TBL3: variants seen among roughly 807,000 people sequenced by gnomAD.
The protein encoded by TBL3 is transducin beta-like protein 3.
A neutral mutation model predicts 102.7 loss-of-function variants in TBL3; 71 were observed. The observed-to-expected ratio is 0.69, with a 90% CI of 0.57 to 0.84. The LOEUF is 0.84. Among genes scored for constraint, TBL3 ranks in the 40% least tolerant of loss-of-function variants. The pLI is 0.00. For synonymous variants in TBL3, 578 were observed against 477.7 expected (o/e 1.21, Z -2.74); for missense variants, 1,188 against 1,098.5 (o/e 1.08, Z -1.15).
At position 1,974,056 on chromosome 16, in the gene TBL3, C is replaced by T. The variant is rs1263300107; in HGVS notation, c.42C>T (p.Asn14=). Residue 14 remains asparagine, a splice_region_variant and synonymous_variant, in exon 2 of 22, where the codon AAC becomes AAT. Transcript: ENST00000568546. The stretch of plus-strand genomic sequence containing the variant: ...CATTCGCCTCCCGCTCTCCTTCCAG[C>T]TATGCTGTGGAGCGCAAAATTGAGC... ...TAAGVGRFKT[N]YAVERKIEPF... is the part of the protein sequence containing the mutation. The T allele has an allele frequency of 6.4e-7, 1 of 1,565,310 alleles. No homozygotes were observed. The highest frequency in any genetic ancestry group is 8.7e-7 in the Non-Finnish European group (1 of 1,149,012).
Position 1,975,103 on chromosome 16 carries a change from G to A in TBL3, c.635+5G>A. On this transcript the variant is annotated splice_donor_5th_base_variant and intron_variant, in intron 7 of 21. Coordinates refer to ENST00000568546, the MANE Select transcript of TBL3 (RefSeq NM_006453.3). ...CGACGGCCACACCATGCTCAGGTCA[G>A]CAGTGGGCCCTGGTAGGAGGGGGAG... The A allele has an allele frequency of 6.2e-7, 1 of 1,612,076 alleles. No individual in the cohort carries two copies. The highest frequency in any genetic ancestry group is 8.5e-7 in the Non-Finnish European group (1 of 1,179,982).
chr16:1,976,981 G>A lies in TBL3; in HGVS notation c.1440+20G>A. 6.2e-7 allele frequency: 1 copy of A among 1,613,614 alleles called. No homozygotes were observed. The highest frequency in any genetic ancestry group is 8.5e-7 in the Non-Finnish European group (1 of 1,179,862). On this transcript the variant is annotated intron_variant, in intron 14 of 21. Coordinates refer to ENST00000568546, the MANE Select transcript of TBL3 (RefSeq NM_006453.3). ...GATAAGGTGACTCCATAGCCACTGG[G>A]GTGGGGGTGTGGCCAAGCCCTTGCT... is the stretch of plus-strand genomic sequence containing the variant.
chr16:1,979,712 G>A lies in TBL3; in HGVS notation c.*1027G>A, dbSNP rs1173586046. The A allele has an allele frequency of 3.1e-6, 4 of 1,286,488 alleles. No homozygotes were observed. The highest frequency in any genetic ancestry group is 3.2e-6 in the Non-Finnish European group (3 of 946,182). 79.7% of individuals were successfully genotyped at this position (1,286,488 alleles called of 1,614,324 possible). On this transcript the variant is annotated 3_prime_UTR_variant, in exon 22 of 22. Transcript: ENST00000568546. ...CAAGCACGGGCTCCTGGCCCGCCCT[G>A]CCCGCGGTGCTTCTGGCCCAGTCTT...
chr16:1,972,104 T>G lies in TBL3; in HGVS notation c.-61T>G, dbSNP rs2083365200. On this transcript the variant is annotated 5_prime_UTR_variant, in exon 1 of 22. Coordinates refer to ENST00000568546, the MANE Select transcript of TBL3 (RefSeq NM_006453.3). ...GTGAAGAGTTCGGTGCTAACCTCCC[T>G]CACGCGGCGGTGGCTGCCGGGACCC... 1.4e-6 allele frequency: 2 copies of G among 1,462,368 alleles called. No individual in the cohort carries two copies. Among genetic ancestry groups the G allele is most frequent in the Non-Finnish European group, 1.8e-6 (2 of 1,104,916 alleles). The allele number at this position is 1,462,368 out of a possible 1,614,324, so 90.6% of individuals were successfully genotyped here.
intron 1 of TBL3, among the ~76,000 whole-genome samples, chr16:1,972,864 C>T (rs1042515330): frequency 1.3e-5 from 2 of 152,148 alleles, no homozygotes; most frequent in Non-Finnish European, 2.9e-5. Flanking sequence ...TTCGTTTTGG[C>T]AGTCAGGCTT....
chr16:1,975,113 C>G lies in TBL3; in HGVS notation c.635+15C>G. ...ACCATGCTCAGGTCAGCAGTGGGCC[C>G]TGGTAGGAGGGGGAGGCTTGGAAAG... On this transcript the variant is annotated intron_variant, in intron 7 of 21. Transcript: ENST00000568546. 1 of 1,612,452 alleles carries G rather than the reference C, an allele frequency of 6.2e-7. No individual in the cohort carries two copies. Among genetic ancestry groups the G allele is most frequent in the East Asian group, 2.2e-5 (1 of 44,882 alleles).
In TBL3 at chr16:1,979,246, C is replaced by T. The variant is rs747698306; in HGVS notation, c.*561C>T. 2.6e-6 allele frequency: 4 copies of T among 1,515,424 alleles called. No individual in the cohort carries two copies. The highest frequency in any genetic ancestry group is 1.2e-5 in the South Asian group (1 of 81,644). 93.9% of individuals were successfully genotyped at this position (1,515,424 alleles called of 1,614,324 possible). On this transcript the variant is annotated 3_prime_UTR_variant, in exon 22 of 22. Transcript: ENST00000568546. ...GGTTCAGGGAAGCCCCGGGCCTCACCCGCCGGGTCGTCTCCTCCACGGAAC... is the reference window on the plus strand; with the variant it reads ...GGTTCAGGGAAGCCCCGGGCCTCACTCGCCGGGTCGTCTCCTCCACGGAAC...
rs189182280 is a variant in TBL3, at chr16:1,975,451, G to A, written c.805+13G>A. 1.2e-4 allele frequency: 193 copies of A among 1,612,660 alleles called. No homozygotes were observed. Among genetic ancestry groups the A allele is most frequent in the Non-Finnish European group, 1.3e-4 (156 of 1,179,516 alleles). ...GCTGGCGACCAAGGTGTGTTGGGCC[G>A]GGACATGGGCAGGCGGTAGGGGCTG... On this transcript the variant is annotated intron_variant, in intron 9 of 21. Transcript: ENST00000568546.
chr16:1,982,571 C>G lies in TBL3; in HGVS notation c.*3886C>G, dbSNP rs1414660684. ...ACTTTTTCCTCCCCTACCCTCTTTT[C>G]TTGCCTGAATAGTACACCCCACCCT... is the stretch of plus-strand genomic sequence containing the variant. On this transcript the variant is annotated 3_prime_UTR_variant, in exon 22 of 22. Coordinates refer to ENST00000568546, the MANE Select transcript of TBL3 (RefSeq NM_006453.3). The G allele has an allele frequency of 1.3e-5, 2 of 152,310 alleles. No individual in the cohort carries two copies. The highest frequency in any genetic ancestry group is 2.9e-5 in the Non-Finnish European group (2 of 68,108). 9.4% of individuals were successfully genotyped at this position (152,310 alleles called of 1,614,324 possible). A position where few individuals can be genotyped will look rare whatever the true frequency, so the allele number is the denominator to read the frequency against.
chr16:1,980,232 A>G lies in TBL3; in HGVS notation c.*1547A>G, dbSNP rs1428358934. The G allele has an allele frequency of 1.3e-6, 2 of 1,543,606 alleles. No individual in the cohort carries two copies. The highest frequency in any genetic ancestry group is 2.7e-5 in the African/African-American group (2 of 73,814). On this transcript the variant is annotated 3_prime_UTR_variant, in exon 22 of 22. Coordinates refer to ENST00000568546, the MANE Select transcript of TBL3 (RefSeq NM_006453.3). ...AGAGGTAGGCGGATGGGGAGGGTGA[A>G]ACTGGGGGCGCCACCCCGGCAAGAC...
rs765040534 is a variant in TBL3 at position 1,980,329 on chromosome 16, C to A, written c.*1644C>A. On this transcript the variant is annotated 3_prime_UTR_variant, in exon 22 of 22. Transcript: ENST00000568546. Reference sequence around the variant, plus strand: ...ACCCTGGACCTCTCCCAGCTCCAAACGCCGCTGCATGCTGGGAGTTTGGGG... The same window carrying A: ...ACCCTGGACCTCTCCCAGCTCCAAAAGCCGCTGCATGCTGGGAGTTTGGGG... 7 of 1,580,694 alleles carry A rather than the reference C, an allele frequency of 4.4e-6. No homozygotes were observed. In the Admixed American group the frequency reaches 1.0e-4, roughly 23 times the overall value.
chr16:1,979,476 C>T lies in TBL3; in HGVS notation c.*791C>T, dbSNP rs2083452719. On this transcript the variant is annotated 3_prime_UTR_variant, in exon 22 of 22. Transcript: ENST00000568546. ...CGTTTCCAACACGCGCACGCGCGCC[C>T]CCGCGGGCACGGACAGCTCATCTGC... 6.2e-7 allele frequency: 1 copy of T among 1,611,908 alleles called. No homozygotes were observed. Among genetic ancestry groups the T allele is most frequent in the Non-Finnish European group, 8.5e-7 (1 of 1,179,560 alleles).
Position 1,979,347 on chromosome 16 carries a change from T to C in TBL3, c.*662T>C. On this transcript the variant is annotated 3_prime_UTR_variant, in exon 22 of 22. Coordinates refer to ENST00000568546, the MANE Select transcript of TBL3 (RefSeq NM_006453.3). ...GGGGAGTAGGCCCGCCCGGTCGCCG[T>C]ACCTGCGAGGGGCGGGGTGTGGTTA... The C allele has an allele frequency of 6.3e-7, 1 of 1,579,716 alleles. No homozygotes were observed. The highest frequency in any genetic ancestry group is 8.5e-7 in the Non-Finnish European group (1 of 1,170,046).
Position 1,980,705 on chromosome 16 carries a change from C to T in TBL3, c.*2020C>T, listed in dbSNP as rs371969585. 1 of 1,605,890 alleles carries T rather than the reference C, an allele frequency of 6.2e-7. No individual in the cohort carries two copies. The highest frequency in any genetic ancestry group is 1.3e-5 in the African/African-American group (1 of 74,882). ...CAGATCTCCGCAGCAGGCCCGCCTCCACCGGGAAGGTCTCCTTGAGGGTCT... is the reference window on the plus strand; with the variant it reads ...CAGATCTCCGCAGCAGGCCCGCCTCTACCGGGAAGGTCTCCTTGAGGGTCT... On this transcript the variant is annotated 3_prime_UTR_variant, in exon 22 of 22. Transcript: ENST00000568546.
Position 1,974,214 on chromosome 16 carries a change from G to C in TBL3, c.111G>C (p.Gln37His). The change falls in exon 3 of 22, where the codon CAG becomes CAC. Residue 37 changes from glutamine (Q) to histidine (H), a missense_variant. Coordinates refer to ENST00000568546, the MANE Select transcript of TBL3 (RefSeq NM_006453.3). ...GGKAQLDQTGQHLFCVCGTRV... is the reference protein window; with the variant it reads ...GGKAQLDQTGHHLFCVCGTRV... ...GTCCCCAGCTGGACCAGACTGGCCA[G>C]CACCTCTTCTGCGTCTGTGGCACCA... 2.5e-6 allele frequency: 4 copies of C among 1,599,772 alleles called. No individual in the cohort carries two copies. Among genetic ancestry groups the C allele is most frequent in the Non-Finnish European group, 3.4e-6 (4 of 1,172,022 alleles).
chr16:1,980,366 C>T lies in TBL3; in HGVS notation c.*1681C>T, dbSNP rs1188737361. 6.3e-7 allele frequency: 1 copy of T among 1,599,782 alleles called. No individual in the cohort carries two copies. The highest frequency in any genetic ancestry group is 8.5e-7 in the Non-Finnish European group (1 of 1,178,646). On this transcript the variant is annotated 3_prime_UTR_variant, in exon 22 of 22. Coordinates refer to ENST00000568546, the MANE Select transcript of TBL3 (RefSeq NM_006453.3). Reference sequence around the variant, plus strand: ...CTGGGAGTTTGGGGCGAGTCAGGCACCTGCCGGGTGGCAGCGCGGGCTCCA... The same window carrying T: ...CTGGGAGTTTGGGGCGAGTCAGGCATCTGCCGGGTGGCAGCGCGGGCTCCA...
chr16:1,974,027 T>C, intron 1 of TBL3, 29 bp from the exon 2 acceptor site: 5 of 1,526,104 alleles, frequency 3.3e-6, no homozygotes, highest in Non-Finnish European at 4.4e-6. Context: ...GGGTGGGTGG[T>C]GCTCATTCGC....
Position 1,975,954 on chromosome 16 carries a change from G to C in TBL3, c.1129+5G>C, listed in dbSNP as rs372173022. 4 of 1,614,050 alleles carry C rather than the reference G, an allele frequency of 2.5e-6. No homozygotes were observed. In the African/African-American group the frequency reaches 4.0e-5, roughly 16 times the overall value. ...AGATCCTCCACGGCCACACGGGTGA[G>C]TGGGGCCAGCCCACCTGACACCCTG... On this transcript the variant is annotated splice_donor_5th_base_variant and intron_variant, in intron 11 of 21. Coordinates refer to ENST00000568546, the MANE Select transcript of TBL3 (RefSeq NM_006453.3).
chr16:1,980,755 G>A lies in TBL3; in HGVS notation c.*2070G>A, dbSNP rs770565870. On this transcript the variant is annotated 3_prime_UTR_variant, in exon 22 of 22. Transcript: ENST00000568546. ...TTCTGAGGGCGGGAACCAGGGCATT[G>A]GTCTTCCAGAGCCCACTGTGCACCC... 19 of 1,577,488 alleles carry A rather than the reference G, an allele frequency of 1.2e-5. No homozygotes were observed. Among genetic ancestry groups the A allele is most frequent in the Middle Eastern group, 1.7e-4 (1 of 6,028 alleles).
Sources: gnomAD v4.1 joint callset for allele counts (sites outside exome capture counted in the v4.1 genomes callset) on GRCh38, gnomAD v4.1.1 for gene constraint, MANE v1.5 for transcripts, NCBI Gene and HGNC (gene_info 2026-07-23, HGNC 2026-07-21) for gene names.